Variants in ASAP1 observed in about 807,000 individuals in gnomAD.
ASAP1 encodes ArfGAP with SH3 domain, ankyrin repeat and PH domain 1.
ASAP1 carries 43 observed loss-of-function variants against 145.2 expected under a neutral mutation model. That is an observed-to-expected ratio of 0.30 (90% confidence interval 0.23 to 0.38). The LOEUF (loss-of-function observed/expected upper bound fraction) is 0.38, where lower values mean the gene tolerates loss of function less well. Ranked by LOEUF, ASAP1 falls within the 10% of genes least tolerant of loss-of-function variation. The pLI is 1.00. For synonymous variants in ASAP1, 546 were observed against 515.5 expected, an observed-to-expected ratio of 1.06 and a Z score of -0.80; for missense variants, 1,018 against 1,355.3, an observed-to-expected ratio of 0.75 and a Z score of 3.91.
chr8:130,094,177 A>G (rs1185087194), intron 24 of ASAP1, among the ~76,000 whole-genome samples: 1 of 152,132 alleles, frequency 6.6e-6, no homozygotes, highest in Non-Finnish European at 1.5e-5. Context: ...GTGTTTATAT[A>G]TGCTATTCCT....
At chr8:130,112,459 G>A in intron 23 of ASAP1, 137 bp from the exon 24 acceptor site, 2 of 638,934 alleles carry the variant, frequency 3.1e-6, no homozygotes, top group Non-Finnish European at 5.5e-6. Context: ...GCCACAATGA[G>A]CCTCATGATG....
intron 4 of ASAP1, among the ~76,000 whole-genome samples, chr8:130,231,723 G>A (rs1039711256): frequency 1.3e-5 from 2 of 152,210 alleles, no homozygotes; most frequent in Non-Finnish European, 2.9e-5. Context: ...TCATTTGGTA[G>A]AATAGCCAAC....
At chr8:130,290,043 T>C (rs1260884490) in intron 3 of ASAP1, among the ~76,000 whole-genome samples, 1 of 152,216 alleles carries the variant, frequency 6.6e-6, no homozygotes, top group Non-Finnish European at 1.5e-5. Flanking sequence ...TTCCTGGTAC[T>C]CGACAGTTGG....
At chr8:130,128,198 A>G (rs1157339400) in intron 15 of ASAP1, 108 bp from the exon 16 acceptor site, 4 of 798,088 alleles carry the variant, frequency 5.0e-6, no homozygotes, top group African/African-American at 1.9e-5. Flanking sequence ...ACTTTTGTCA[A>G]GTAATTCCAA....
At position 130,079,967 on chromosome 8, in the gene ASAP1, G is replaced by A. The variant is rs370789875; in HGVS notation, c.2577C>T (p.Asn859=). The A allele has an allele frequency of 4.0e-5, 64 of 1,613,760 alleles. No individual in the cohort carries two copies. Among genetic ancestry groups the A allele is most frequent in the African/African-American group, 5.3e-5 (4 of 74,912 alleles). The change falls in exon 26 of 30, where the codon AAC becomes AAT. Residue 859 remains asparagine (N), a synonymous_variant. Transcript: ENST00000518721. The stretch of plus-strand genomic sequence containing the variant: ...TACTTGAAGAGGATGGACCCCCATC[G>A]TTACCTACAAGGAAAACCGAAGGTG... ...PPNKGAVPWG[N]DGGPSSSSKT... is the part of the protein sequence containing the mutation.
intron 3 of ASAP1, among the ~76,000 whole-genome samples, chr8:130,284,405 C>T (rs1206098111): frequency 6.6e-6 from 1 of 151,800 alleles, no homozygotes; most frequent in Non-Finnish European, 1.5e-5. Context: ...CAAATGAACC[C>T]CCATAAAGGC....
chr8:130,162,095 G>A (rs2097670408), intron 11 of ASAP1, among the ~76,000 whole-genome samples: 1 of 152,086 alleles, frequency 6.6e-6, no homozygotes, highest in South Asian at 2.1e-4. Context: ...CACCATGCTC[G>A]ACCTAAATGT....
Position 130,358,481 on chromosome 8 carries a change from T to C in ASAP1, c.60-338A>G, listed in dbSNP as rs1826492482. ...GGGGACGCGGCTGCGCGCGGGGTCT[T>C]CGCGGGGGTCTGGGCTCCGGCCGGC... On this transcript the variant is annotated intron_variant, in intron 2 of 29. Transcript: ENST00000518721. The surrounding 1 kb of genome is among the most constrained non-coding windows in gnomAD (Gnocchi z 4.1). Among the ~76,000 whole-genome samples the C allele has an allele frequency of 6.8e-6, 1 of 147,768 alleles. No individual in the cohort carries two copies. Among genetic ancestry groups the C allele is most frequent in the African/African-American group, 2.5e-5 (1 of 40,808 alleles).
intron 1 of ASAP1, among the ~76,000 whole-genome samples, chr8:130,425,634 G>A (rs1829888995): frequency 6.6e-6 from 1 of 152,150 alleles, no homozygotes; most frequent in African/African-American, 2.4e-5. Context: ...TAAGCATAAG[G>A]GGGATCCTGG....
intron 24 of ASAP1, among the ~76,000 whole-genome samples, chr8:130,109,666 G>T (rs2097543565): frequency 6.6e-6 from 1 of 152,048 alleles, no homozygotes; most frequent in African/African-American, 2.4e-5. Context: ...AAACATAGGG[G>T]CCAAAAAAAC....
chr8:130,440,429 C>T (rs1450479137), intron 1 of ASAP1, among the ~76,000 whole-genome samples: 1 of 151,838 alleles, frequency 6.6e-6, no homozygotes, highest in African/African-American at 2.4e-5. Context: ...ATCACCTGAA[C>T]CCAGGAGGCA....
At chr8:130,299,524 C>G (rs1822493625) in intron 3 of ASAP1, among the ~76,000 whole-genome samples, 1 of 152,216 alleles carries the variant, frequency 6.6e-6, no homozygotes, top group Non-Finnish European at 1.5e-5. Flanking sequence ...GATGCATCTC[C>G]ATGCAGGCTG....
At chr8:130,253,313 A>G (rs1484373485) in intron 3 of ASAP1, among the ~76,000 whole-genome samples, 2 of 152,228 alleles carry the variant, frequency 1.3e-5, no homozygotes, top group African/African-American at 2.4e-5. Context: ...TCATAGAGTT[A>G]TAAGGATTAA....
intron 11 of ASAP1, chr8:130,162,883 T>C (rs1030478447): frequency 1.3e-5 from 2 of 152,198 alleles, no homozygotes; most frequent in Non-Finnish European, 2.9e-5. Context: ...CATAACCCTC[T>C]TCCTTGGAAC....
chr8:130,293,344 C>T (rs527771734), intron 3 of ASAP1, among the ~76,000 whole-genome samples: 9 of 152,306 alleles, frequency 5.9e-5, no homozygotes, highest in Non-Finnish European at 1.0e-4. Context: ...GTGGTTGCCC[C>T]ACCAGGTAAG....
rs116010526 is a variant in ASAP1 at position 130,411,986 on chromosome 8, C to T, written c.-27-10016G>A. Among the ~76,000 whole-genome samples the T allele has an allele frequency of 4.1e-3, 617 of 152,238 alleles. 5 individuals are homozygous for T. The highest frequency in any genetic ancestry group is 0.014 in the African/African-American group (586 of 41,536). ...CTGCATGGAAAGGAGTTTACTCCCTCGCAGGAAGCCCCCATTACCCAGTGC... is the reference window on the plus strand; with the variant it reads ...CTGCATGGAAAGGAGTTTACTCCCTTGCAGGAAGCCCCCATTACCCAGTGC... On this transcript the variant is annotated intron_variant, in intron 1 of 29. Coordinates refer to ENST00000518721, the MANE Select transcript of ASAP1 (RefSeq NM_018482.4).
At chr8:130,127,862 C>G (rs538396138) in intron 16 of ASAP1, 65 bp downstream of exon 16, 2 of 1,553,424 alleles carry the variant, frequency 1.3e-6, no homozygotes, top group African/African-American at 2.8e-5. Context: ...ATAACTAGAT[C>G]GTTTTATATT....
intron 25 of ASAP1, among the ~76,000 whole-genome samples, chr8:130,089,217 G>C (rs1361353553): frequency 6.6e-6 from 1 of 152,150 alleles, no homozygotes; most frequent in Non-Finnish European, 1.5e-5. Context: ...TTAACATAAA[G>C]AAGTAGAGGG....
At chr8:130,170,852 G>A (rs1201747135) in intron 9 of ASAP1, among the ~76,000 whole-genome samples, 1 of 151,946 alleles carries the variant, frequency 6.6e-6, no homozygotes, top group Non-Finnish European at 1.5e-5. Flanking sequence ...CTGAGTAGCC[G>A]GGACTACAGA....
Sources: gnomAD v4.1 joint callset for allele counts (sites outside exome capture counted in the v4.1 genomes callset) on GRCh38, gnomAD v4.1.1 for gene constraint, Gnocchi (gnomAD v3.1) non-coding constraint, MANE v1.5 for transcripts, NCBI Gene and HGNC (gene_info 2026-07-23, HGNC 2026-07-21) for gene names.